The following KANSL1L variants were observed in gnomAD, a reference collection of about 807,000 sequenced individuals.
KANSL1L encodes the protein KAT8 regulatory NSL complex subunit 1-like protein.
Under a neutral mutation model 108.6 loss-of-function variants are expected in KANSL1L, and 25 were observed. The ratio of observed to expected loss-of-function variants is 0.23; its 90% confidence interval spans 0.17 to 0.32. KANSL1L has a LOEUF of 0.32. Among genes scored for constraint, KANSL1L ranks in the 10% least tolerant of loss-of-function variants. The probability of loss-of-function intolerance (pLI) is 1.00; values close to 1 mark genes in which losing one functional copy is unlikely to be tolerated. For synonymous variants in KANSL1L, 405 were observed against 395.1 expected, an observed-to-expected ratio of 1.03 and a Z score of -0.30; for missense variants, 1,137 against 1,125.7, an observed-to-expected ratio of 1.01 and a Z score of -0.14.
At chr2:210,078,541 A>G (rs1183751246) in intron 5 of KANSL1L, among the ~76,000 whole-genome samples, 1 of 152,200 alleles carries the variant, frequency 6.6e-6, no homozygotes, top group East Asian at 1.9e-4. Context: ...TGTTTATTTC[A>G]CTACTAATCA....
At chr2:210,057,709 G>A (rs561085266) in intron 6 of KANSL1L, among the ~76,000 whole-genome samples, 9 of 152,290 alleles carry the variant, frequency 5.9e-5, no homozygotes, top group African/African-American at 2.2e-4. Flanking sequence ...AGATTTCATG[G>A]ACATTTATTA....
At chr2:210,136,985 C>G (rs1480453029) in intron 2 of KANSL1L, among the ~76,000 whole-genome samples, 2 of 152,046 alleles carry the variant, frequency 1.3e-5, no homozygotes, top group Non-Finnish European at 2.9e-5. Flanking sequence ...AATCTGAGCC[C>G]TAACAAAACA....
At chr2:210,095,652 C>A (rs1359091323) in intron 5 of KANSL1L, among the ~76,000 whole-genome samples, 1 of 151,930 alleles carries the variant, frequency 6.6e-6, no homozygotes, top group Non-Finnish European at 1.5e-5. Context: ...CAGGAGTATC[C>A]CCCAAAATCG....
At chr2:210,083,294 G>A (rs1350648688) in intron 5 of KANSL1L, among the ~76,000 whole-genome samples, 1 of 152,144 alleles carries the variant, frequency 6.6e-6, no homozygotes, top group Non-Finnish European at 1.5e-5. Context: ...CACAAAATTA[G>A]TGGCTTAAAA....
At position 210,097,164 on chromosome 2, in the gene KANSL1L, C is replaced by T. The variant is rs542629534; in HGVS notation, c.1550+922G>A. 7.4e-4 allele frequency: 495 copies of T among 667,254 alleles called. No individual in the cohort carries two copies. In the African/African-American group the frequency reaches 9.1e-3, roughly 12 times the overall value. 41.3% of individuals were successfully genotyped at this position (667,254 alleles called of 1,614,324 possible). ...TTCTCCATGTTGGCCAGGCTGATCT[C>T]GAACTCCTGAGCTCATGAAATCTGC... On this transcript the variant is annotated intron_variant, in intron 5 of 14. Coordinates refer to ENST00000281772, the MANE Select transcript of KANSL1L (RefSeq NM_152519.4).
At chr2:210,128,412 A>C (rs1339325719) in intron 3 of KANSL1L, among the ~76,000 whole-genome samples, 4 of 152,346 alleles carry the variant, frequency 2.6e-5, no homozygotes, top group Non-Finnish European at 4.4e-5. Flanking sequence ...ACATACAATA[A>C]ATTATTAGTC....
intron 1 of KANSL1L, among the ~76,000 whole-genome samples, chr2:210,168,697 T>TGGTAGACAACTGTGATCAGATCACTGA (rs1338791356): frequency 6.6e-6 from 1 of 152,130 alleles, no homozygotes; most frequent in Non-Finnish European, 1.5e-5. Context: ...ATTGACCTTC[T>TGGTAGACAACTGTGATCAGATCACTGA]GGTAGACAAC....
intron 2 of KANSL1L, among the ~76,000 whole-genome samples, chr2:210,140,801 TTC>T (rs1378206992): frequency 6.6e-6 from 1 of 152,192 alleles, no homozygotes; most frequent in African/African-American, 2.4e-5. Context: ...TTCCATTTGT[TTC>T]TTTTTCCATT....
At chr2:210,027,388 T>G (rs2125122853) in intron 11 of KANSL1L, 38 bp from the exon 12 acceptor site, 2 of 1,483,486 alleles carry the variant, frequency 1.3e-6, no homozygotes, top group Middle Eastern at 1.7e-4. Context: ...CAGCTTTTAT[T>G]TATTTAAATG....
chr2:210,171,596 G>C (rs539397384), upstream of KANSL1L: 2 of 152,502 alleles, frequency 1.3e-5, no homozygotes, highest in Non-Finnish European at 1.5e-5. Context: ...GGCTCCCTCG[G>C]GACGGGTTCC....
chr2:210,025,077 G>T, intron 13 of KANSL1L, 27 bp downstream of exon 13: 1 of 1,377,236 alleles, frequency 7.3e-7, no homozygotes, highest in Non-Finnish European at 1.0e-6. Context: ...GGATTCTATG[G>T]CTTGGGGTTT....
At position 210,039,169 on chromosome 2, in the gene KANSL1L, ACTT is replaced by A. The variant is rs1466686394; in HGVS notation, c.2029+1248_2029+1250del. Among the ~76,000 whole-genome samples, 8 of 152,038 alleles carry A rather than the reference ACTT, an allele frequency of 5.3e-5. No individual in the cohort carries two copies. The East Asian group carries it at 1.4e-3, about 26-fold the overall frequency. On this transcript the variant is annotated intron_variant, in intron 8 of 14. Coordinates refer to ENST00000281772, the MANE Select transcript of KANSL1L (RefSeq NM_152519.4). ...CTGTCTGAGATAAACTTCCAGAATAACTTCGTTCCAATAATACCTCTGATTCTG... is the reference window on the plus strand; with the variant it reads ...CTGTCTGAGATAAACTTCCAGAATAACGTTCCAATAATACCTCTGATTCTG...
chr2:210,128,965 C>G (rs1432202550), intron 3 of KANSL1L, 66 bp downstream of exon 3: 1 of 1,249,820 alleles, frequency 8.0e-7, no homozygotes, highest in East Asian at 2.5e-5. Flanking sequence ...TTTTTGTGAT[C>G]AAATGAGAAG....
intron 5 of KANSL1L, chr2:210,088,991 C>A: frequency 5.9e-6 from 1 of 169,618 alleles, no homozygotes; most frequent in Non-Finnish European, 1.3e-5. Context: ...AAAGCTATTC[C>A]TCAGTTCCAG....
intron 9 of KANSL1L, 158 bp downstream of exon 9, chr2:210,031,263 T>C: frequency 1.8e-6 from 1 of 548,388 alleles, no homozygotes; most frequent in South Asian, 2.4e-5. Flanking sequence ...AATTCTAAAT[T>C]AACTACGAAT....
chr2:210,134,635 G>A (rs2125564542), intron 2 of KANSL1L, among the ~76,000 whole-genome samples: 1 of 152,186 alleles, frequency 6.6e-6, no homozygotes, highest in Non-Finnish European at 1.5e-5. Context: ...CTACACTAAG[G>A]CAGTTATCAA....
intron 3 of KANSL1L, among the ~76,000 whole-genome samples, chr2:210,110,584 G>T (rs1321446236): frequency 1.3e-5 from 2 of 152,082 alleles, no homozygotes; most frequent in Non-Finnish European, 2.9e-5. Flanking sequence ...GACAGAATTA[G>T]CAAATTAAAA....
intron 5 of KANSL1L, among the ~76,000 whole-genome samples, chr2:210,076,578 A>T (rs886835022): frequency 1.3e-5 from 2 of 152,130 alleles, no homozygotes; most frequent in African/African-American, 4.8e-5. Flanking sequence ...AGCATTTTTT[A>T]AAAATTTCCA....
intron 6 of KANSL1L, among the ~76,000 whole-genome samples, chr2:210,070,132 C>T (rs2094496098): frequency 6.7e-6 from 1 of 149,568 alleles, no homozygotes; most frequent in Non-Finnish European, 1.5e-5. Flanking sequence ...TCTGCTTGGC[C>T]CCTGACATTC....
Sources: allele counts gnomAD v4.1 joint callset (sites outside exome capture counted in the v4.1 genomes callset), GRCh38; gene constraint gnomAD v4.1.1; transcripts MANE v1.5; gene names NCBI Gene and HGNC (gene_info 2026-07-23, HGNC 2026-07-21).